The following PRR16 variants were observed in gnomAD, a reference collection of about 807,000 sequenced individuals.
PRR16 encodes proline rich 16.
Under a neutral mutation model 18.2 loss-of-function variants are expected in PRR16, and 6 were observed. The observed-to-expected ratio is 0.33, with a 90% CI of 0.18 to 0.65. PRR16 has a LOEUF of 0.65. PRR16 is among the 30% of genes least tolerant of loss of function. PRR16 has a pLI of 0.74. For missense variants in PRR16, 412 were observed against 376.6 expected (o/e 1.09, Z -0.78); for synonymous variants, 151 against 147.8 (o/e 1.02, Z -0.16).
At chr5:120,707,420 G>A in the PRR16 span, among the ~76,000 whole-genome samples, 2 of 152,162 alleles carry the variant, frequency 1.3e-5, no homozygotes, top group Non-Finnish European at 2.9e-5. Flanking sequence ...GGGTCCCAAA[G>A]CTCTTCTAGA....
At chr5:120,532,165 G>A (rs1343606448) in intron 1 of PRR16, among the ~76,000 whole-genome samples, 1 of 152,074 alleles carries the variant, frequency 6.6e-6, no homozygotes, top group Non-Finnish European at 1.5e-5. Flanking sequence ...AACTAATGTT[G>A]CCCAATTCCT....
At chr5:120,560,915 T>G (rs1580725776) in intron 1 of PRR16, among the ~76,000 whole-genome samples, 1 of 152,072 alleles carries the variant, frequency 6.6e-6, no homozygotes, top group East Asian at 1.9e-4. Context: ...TATTGGCATA[T>G]AGTTGTACAT....
chr5:120,601,003 T>G (rs994627129), intron 1 of PRR16, among the ~76,000 whole-genome samples: 2 of 152,062 alleles, frequency 1.3e-5, no homozygotes, highest in African/African-American at 4.8e-5. Context: ...TTCCATGACT[T>G]TTCTATTGTG....
chr5:120,612,966 T>G (rs1023000824), intron 1 of PRR16, among the ~76,000 whole-genome samples: 4 of 152,162 alleles, frequency 2.6e-5, no homozygotes, highest in African/African-American at 9.7e-5. Context: ...GCTAATGTGA[T>G]GGATTAATAA....
chr5:120,706,089 C>A, the PRR16 span, among the ~76,000 whole-genome samples: 1 of 152,104 alleles, frequency 6.6e-6, no homozygotes, highest in African/African-American at 2.4e-5. Flanking sequence ...TACAAATGAT[C>A]CCGGTAAATA....
At chr5:120,678,631 G>GT (rs952051933) in intron 1 of PRR16, among the ~76,000 whole-genome samples, 3 of 152,224 alleles carry the variant, frequency 2.0e-5, no homozygotes, top group Admixed American at 6.5e-5. Context: ...TCTACTAGTA[G>GT]TTTTTTTATC....
intron 1 of PRR16, among the ~76,000 whole-genome samples, chr5:120,555,908 C>G (rs1752394354): frequency 6.6e-6 from 1 of 150,480 alleles, no homozygotes; most frequent in Non-Finnish European, 1.5e-5. Flanking sequence ...ACCATTGTCA[C>G]CTTTATGTTT....
At chr5:120,628,714 CTAT>C (rs1459348761) in intron 1 of PRR16, among the ~76,000 whole-genome samples, 2 of 149,592 alleles carry the variant, frequency 1.3e-5, no homozygotes, top group Non-Finnish European at 3.0e-5. Flanking sequence ...ATCTATCTAT[CTAT>C]CTATCTATCT....
chr5:120,561,998 TC>T (rs968604480), intron 1 of PRR16, among the ~76,000 whole-genome samples: 14 of 152,248 alleles, frequency 9.2e-5, no homozygotes, highest in African/African-American at 3.4e-4. Context: ...TTATTGTTTT[TC>T]TCTAGAGTGC....
the PRR16 span, among the ~76,000 whole-genome samples, chr5:120,735,901 A>G: frequency 4.6e-5 from 7 of 152,136 alleles, no homozygotes; most frequent in Non-Finnish European, 1.0e-4. Context: ...GCCAAATACA[A>G]TGTCATAAAG....
At chr5:120,591,318 T>G (rs1370455232) in intron 1 of PRR16, among the ~76,000 whole-genome samples, 4 of 151,990 alleles carry the variant, frequency 2.6e-5, no homozygotes, top group Non-Finnish European at 5.9e-5. Flanking sequence ...ATAATTGTAC[T>G]GTATATATCC....
the PRR16 span, among the ~76,000 whole-genome samples, chr5:120,753,397 G>A: frequency 6.6e-6 from 1 of 151,908 alleles, no homozygotes; most frequent in East Asian, 1.9e-4. Flanking sequence ...GTACGTAACT[G>A]AGCCAAGAAC....
chr5:120,584,835 T>TA (rs1753388696), intron 1 of PRR16, among the ~76,000 whole-genome samples: 1 of 152,202 alleles, frequency 6.6e-6, no homozygotes, highest in Admixed American at 6.5e-5. Context: ...GCTACTTTCA[T>TA]ATGTTATCTT....
At chr5:120,582,479 AT>A (rs546853917) in intron 1 of PRR16, among the ~76,000 whole-genome samples, 9 of 151,780 alleles carry the variant, frequency 5.9e-5, no homozygotes, top group South Asian at 2.1e-4. Flanking sequence ...ATATACTCTT[AT>A]TTTTTTTAAA....
intron 1 of PRR16, among the ~76,000 whole-genome samples, chr5:120,684,752 G>T (rs1757069098): frequency 6.6e-6 from 1 of 152,270 alleles, no homozygotes; most frequent in South Asian, 2.1e-4. Flanking sequence ...CAGTAAGGTT[G>T]CCCTGTTATG....
the PRR16 span, among the ~76,000 whole-genome samples, chr5:120,773,594 C>G: frequency 0.073 from 11,075 of 152,082 alleles, 537 homozygotes; most frequent in Non-Finnish European, 0.11. Flanking sequence ...AGAATTTATT[C>G]TACATGGTCA....
chr5:120,524,846 G>A (rs1154768), intron 1 of PRR16, among the ~76,000 whole-genome samples: 1 of 151,638 alleles, frequency 6.6e-6, no homozygotes, highest in African/African-American at 2.4e-5. Context: ...AATTAAAAAA[G>A]CAAATAAACT....
intron 1 of PRR16, among the ~76,000 whole-genome samples, chr5:120,673,780 A>C (rs565468467): frequency 6.9e-4 from 104 of 151,414 alleles, no homozygotes; most frequent in African/African-American, 2.5e-3. Context: ...ATCTAAAAAA[A>C]ATAAAAAATA....
chr5:120,702,143 T>C, the PRR16 span, among the ~76,000 whole-genome samples: 21 of 151,858 alleles, frequency 1.4e-4, no homozygotes, highest in Middle Eastern at 3.4e-3. Context: ...GGTTCTTACC[T>C]TCCAGAAAAG....
Sources: gnomAD v4.1 joint callset for allele counts (sites outside exome capture counted in the v4.1 genomes callset) on GRCh38, gnomAD v4.1.1 for gene constraint, MANE v1.5 for transcripts, NCBI Gene and HGNC (gene_info 2026-07-23, HGNC 2026-07-21) for gene names.